OR2L3: variants seen among roughly 807,000 people sequenced by gnomAD.
OR2L3 encodes olfactory receptor 2L3.
For synonymous variants in OR2L3, 131 were observed against 139.1 expected, an observed-to-expected ratio of 0.94 and a Z score of 0.41; for missense variants, 369 against 376.6, an observed-to-expected ratio of 0.98 and a Z score of 0.17.
intron 1 of OR2L3, among the ~76,000 whole-genome samples, chr1:248,053,291 T>C (rs1012708743): frequency 1.3e-5 from 2 of 152,216 alleles, no homozygotes; most frequent in Non-Finnish European, 2.9e-5. Flanking sequence ...ATCTTATTAT[T>C]TTTTATGGCT....
At chr1:248,053,705 T>C (rs954898565) in intron 1 of OR2L3, among the ~76,000 whole-genome samples, 1 of 152,214 alleles carries the variant, frequency 6.6e-6, no homozygotes, top group African/African-American at 2.4e-5. Context: ...TCTCCAATGA[T>C]CAGTGATGTT....
rs543802085 is a variant in OR2L3, at chr1:248,061,626, T to C, written c.*6T>C. 5.8e-5 allele frequency: 93 copies of C among 1,607,598 alleles called. 1 individual carries two copies. The Admixed American group carries it at 1.0e-3, about 18-fold the overall frequency. ...TCTGCTCTGGGAAAATGTAGAAACA[T>C]TTTCTACCTAAGGTCTCAGGACTCA... On this transcript the variant is annotated 3_prime_UTR_variant, in exon 2 of 2. Coordinates refer to ENST00000359959, the MANE Select transcript of OR2L3 (RefSeq NM_001004687.2).
chr1:248,051,452 AT>A (rs1206257243), intron 1 of OR2L3, among the ~76,000 whole-genome samples: 8 of 152,230 alleles, frequency 5.3e-5, no homozygotes, highest in African/African-American at 1.9e-4. Flanking sequence ...TGCTATGAAC[AT>A]GGGAATAGAA....
intron 1 of OR2L3, among the ~76,000 whole-genome samples, chr1:248,059,474 C>T (rs1663547994): frequency 6.6e-6 from 1 of 151,990 alleles, no homozygotes; most frequent in African/African-American, 2.4e-5. Context: ...AAATGTGTAA[C>T]CTATTTGGTA....
At chr1:248,058,361 T>C (rs2103122102) in intron 1 of OR2L3, among the ~76,000 whole-genome samples, 1 of 152,284 alleles carries the variant, frequency 6.6e-6, no homozygotes, top group East Asian at 1.9e-4. Context: ...CCCCCATGGA[T>C]AGTAACTGCT....
intron 1 of OR2L3, among the ~76,000 whole-genome samples, chr1:248,056,659 G>T (rs1448664744): frequency 7.7e-6 from 1 of 130,618 alleles, no homozygotes; most frequent in African/African-American, 2.6e-5. Context: ...GTAGTTGTGT[G>T]GTTTTGAGGG....
At chr1:248,054,538 G>C (rs1319703472) in intron 1 of OR2L3, among the ~76,000 whole-genome samples, 5 of 152,078 alleles carry the variant, frequency 3.3e-5, no homozygotes, top group Non-Finnish European at 7.4e-5. Flanking sequence ...GGGCGGTATG[G>C]CCATTTTCAC....
intron 1 of OR2L3, among the ~76,000 whole-genome samples, chr1:248,049,817 G>A (rs963054956): frequency 6.6e-6 from 1 of 151,944 alleles, no homozygotes; most frequent in Non-Finnish European, 1.5e-5. Flanking sequence ...AAAATTTTGA[G>A]GGATGAACTA....
chr1:248,052,959 G>A (rs1165966516), intron 1 of OR2L3, among the ~76,000 whole-genome samples: 1 of 151,490 alleles, frequency 6.6e-6, no homozygotes, highest in African/African-American at 2.4e-5. Flanking sequence ...TTTATTGTTT[G>A]TTTTTAAGTT....
chr1:248,061,520 T>A lies in OR2L3; in HGVS notation c.839T>A (p.Leu280His). ...GTTCTGGCTGTCTTCTACACCACCCTCACTCCAATGCTCAACCCCATCATC... is the reference window on the plus strand; with the variant it reads ...GTTCTGGCTGTCTTCTACACCACCCACACTCCAATGCTCAACCCCATCATC... ...DKVLAVFYTT[L>H]TPMLNPIIYS... Residue 280 changes from leucine to histidine, a missense_variant, in exon 2 of 2, where the codon CTC (leucine) becomes CAC (histidine). Coordinates refer to ENST00000359959, the MANE Select transcript of OR2L3 (RefSeq NM_001004687.2). 6.2e-7 allele frequency: 1 copy of A among 1,613,832 alleles called. No individual in the cohort carries two copies. Among genetic ancestry groups the A allele is most frequent in the African/African-American group, 1.3e-5 (1 of 74,950 alleles).
Position 248,059,310 on chromosome 1 carries a change from G to C in OR2L3, c.-21-1351G>C, listed in dbSNP as rs533593953. Among the ~76,000 whole-genome samples, 3 of 152,184 alleles carry C rather than the reference G, an allele frequency of 2.0e-5. No individual in the cohort carries two copies. The East Asian group carries it at 5.8e-4, about 29-fold the overall frequency. ...GTTGTTCTCTGATGTCTTCTATCTG[G>C]AGTAGAGTTTCTAACGCACCTCTAC... On this transcript the variant is annotated intron_variant, in intron 1 of 1. Transcript: ENST00000359959.
rs183584487 is a variant in OR2L3, at chr1:248,053,299, G to C, written c.-22+6419G>C. 5.3e-5 allele frequency among the ~76,000 whole-genome samples: 8 copies of C among 152,140 alleles called. No individual in the cohort carries two copies. The East Asian group carries it at 1.4e-3, about 26-fold the overall frequency. ...GGACATGATCTTATTATTTTTTATG[G>C]CTGTATAGTATTCCATTGTGTATAT... On this transcript the variant is annotated intron_variant, in intron 1 of 1. Coordinates refer to ENST00000359959, the MANE Select transcript of OR2L3 (RefSeq NM_001004687.2).
chr1:248,056,566 T>C (rs1180161055), intron 1 of OR2L3, among the ~76,000 whole-genome samples: 1 of 152,164 alleles, frequency 6.6e-6, no homozygotes, highest in Admixed American at 6.5e-5. Context: ...TTGCTTTCTT[T>C]GGTCTTAAAG....
At position 248,060,914 on chromosome 1, in the gene OR2L3, C is replaced by T. The variant is rs6658227; in HGVS notation, c.233C>T (p.Pro78Leu). The change falls in exon 2 of 2, where the codon CCT becomes CTT. Residue 78 changes from proline to leucine, a missense_variant. Physicochemically the swap from Pro to Leu is moderately conservative, Grantham distance 98. Transcript: ENST00000359959. ...CTAAATTACATCTCCACCATTGTTC[C>T]TAAGATGGCATCTGATTTTCTGTCT... ...IDLNYISTIV[P>L]KMASDFLSGN... 0.15 allele frequency: 241,751 copies of T among 1,613,670 alleles called. 19,754 individuals are homozygous for T. The highest frequency in any genetic ancestry group is 0.29 in the East Asian group (13,225 of 44,848).
At chr1:248,057,726 T>A (rs1026392469) in intron 1 of OR2L3, among the ~76,000 whole-genome samples, 23 of 152,196 alleles carry the variant, frequency 1.5e-4, no homozygotes, top group African/African-American at 5.3e-4. Flanking sequence ...TGGTTAGGTT[T>A]ATTCTTAAGT....
chr1:248,052,859 GAAA>G (rs546644512), intron 1 of OR2L3, among the ~76,000 whole-genome samples: 1 of 149,568 alleles, frequency 6.7e-6, no homozygotes, highest in Non-Finnish European at 1.5e-5. Context: ...TTCTGTTTCT[GAAA>G]AAAAAAATTT....
intron 1 of OR2L3, chr1:248,055,964 T>C (rs1440409858): frequency 6.6e-6 from 1 of 152,224 alleles, no homozygotes; most frequent in Non-Finnish European, 1.5e-5. Context: ...TATTGGTCTA[T>C]TTAGGGATTC....
intron 1 of OR2L3, among the ~76,000 whole-genome samples, chr1:248,059,429 G>A (rs1472232849): frequency 6.6e-6 from 1 of 152,124 alleles, no homozygotes; most frequent in East Asian, 1.9e-4. Flanking sequence ...AAAGCAATCT[G>A]TAATGTTATC....
intron 1 of OR2L3, among the ~76,000 whole-genome samples, chr1:248,059,079 T>G (rs575456331): frequency 4.1e-4 from 62 of 152,076 alleles, no homozygotes; most frequent in African/African-American, 1.5e-3. Context: ...TCACAACAAT[T>G]CATTCTTTCT....
Sources: gnomAD v4.1 joint callset for allele counts (sites outside exome capture counted in the v4.1 genomes callset) on GRCh38, gnomAD v4.1.1 for gene constraint, MANE v1.5 for transcripts, NCBI Gene and HGNC (gene_info 2026-07-23, HGNC 2026-07-21) for gene names.